Variants in ANK1 observed in about 807,000 individuals in gnomAD.
ANK1 encodes ankyrin 1.
ANK1 carries 51 observed loss-of-function variants against 210.4 expected under a neutral mutation model. That is an observed-to-expected ratio of 0.24 (90% CI 0.19 to 0.31). The LOEUF (loss-of-function observed/expected upper bound fraction) is 0.31, where lower values mean the gene tolerates loss of function less well. ANK1 is among the 10% of genes least tolerant of loss of function. The pLI is 1.00. For missense variants in ANK1, 2,051 were observed against 2,504.4 expected (o/e 0.82, Z 3.86); for synonymous variants, 967 against 1,025.9 (o/e 0.94, Z 1.10).
At position 41,859,477 on chromosome 8, in the gene ANK1, G is replaced by C. The variant is rs183972505; in HGVS notation, c.126+36878C>G. On this transcript the variant is annotated intron_variant, in intron 1 of 42. Coordinates refer to the ANK1 transcript ENST00000265709. ...TTCTCTTGCTTCAGCGTCTTGAGTA[G>C]CTGGGATCACAGGCACACACAACCA... Among the ~76,000 whole-genome samples the C allele has an allele frequency of 2.6e-5, 4 of 152,306 alleles. No homozygotes were observed. In the East Asian group the frequency reaches 7.7e-4, roughly 29 times the overall value.
intron 42 of ANK1, chr8:41,660,292 G>A (rs866840492): frequency 1.3e-4 from 52 of 402,628 alleles, no homozygotes; most frequent in Middle Eastern, 8.8e-4. Context: ...AGGAGGCAGC[G>A]GGCCCTGATT....
At chr8:41,812,968 A>T (rs1472771500) in intron 1 of ANK1, among the ~76,000 whole-genome samples, 1 of 151,920 alleles carries the variant, frequency 6.6e-6, no homozygotes, top group Non-Finnish European at 1.5e-5. Flanking sequence ...ACAGGCTGAA[A>T]CTCTCCCAAG....
chr8:41,743,089 G>A (rs1835196931), intron 2 of ANK1, among the ~76,000 whole-genome samples: 1 of 152,166 alleles, frequency 6.6e-6, no homozygotes, highest in Admixed American at 6.5e-5. Flanking sequence ...CTCTATTATT[G>A]GTCCTTGTTT....
In ANK1 at chr8:41,704,594, A is replaced by T. The variant is rs1824049816; in HGVS notation, c.2098-122T>A. 3.5e-6 allele frequency: 3 copies of T among 852,816 alleles called. No individual in the cohort carries two copies. The highest frequency in any genetic ancestry group is 5.9e-6 in the Non-Finnish European group (3 of 511,968). The allele number at this position is 852,816 out of a possible 1,614,324, so 52.8% of individuals were successfully genotyped here. ...GGGAGCCCCTTGAAGGCTGACATTG[A>T]CAAGCTGAATGGCTGCTGCTGGGCA... is the stretch of plus-strand genomic sequence containing the variant. On this transcript the variant is annotated intron_variant, in intron 18 of 42. Coordinates refer to ENST00000289734, the MANE Select transcript of ANK1 (RefSeq NM_000037.4). This position sits in a 1 kb window ranked among gnomAD's most constrained non-coding sequence, Gnocchi z 4.1.
rs1563496534 is a variant in ANK1 at position 41,704,368 on chromosome 8, CT to C, written c.2196+5del. The C allele has an allele frequency of 2.5e-6, 4 of 1,613,790 alleles. No individual in the cohort carries two copies. Among genetic ancestry groups the C allele is most frequent in the Admixed American group, 3.3e-5 (2 of 60,028 alleles). ...TGCAGGAGTCGGGGCTGGGGCACCC[CT>C]GTACCTTGGTCTTGGCATTGACATC... On this transcript the variant is annotated splice_donor_5th_base_variant and intron_variant, in intron 19 of 42. Transcript: ENST00000289734. The surrounding 1 kb of genome is among the most constrained non-coding windows in gnomAD (Gnocchi z 4.1).
chr8:41,884,832 A>AAAAT (rs1412056931), intron 1 of ANK1, among the ~76,000 whole-genome samples: 2 of 152,108 alleles, frequency 1.3e-5, no homozygotes, highest in African/African-American at 2.4e-5. Flanking sequence ...ACCTTGTCTC[A>AAAAT]AAATAAATAA....
rs73619323 is a variant in ANK1 at position 41,704,849 on chromosome 8, A to T, written c.2098-377T>A. ...AAGAGGAGGGAAACCTTGAGAGACC[A>T]GCATCACAGAATCCCAGGGGAGCTA... On this transcript the variant is annotated intron_variant, in intron 18 of 42. Coordinates refer to ENST00000289734, the MANE Select transcript of ANK1 (RefSeq NM_000037.4). The surrounding 1 kb of genome is among the most constrained non-coding windows in gnomAD (Gnocchi z 4.1). Among the ~76,000 whole-genome samples, 6,607 of 152,242 alleles carry T rather than the reference A, an allele frequency of 0.043. 285 individuals are homozygous for T. The highest frequency in any genetic ancestry group is 0.12 in the African/African-American group (4,836 of 41,518).
At chr8:41,726,067 C>G in intron 5 of ANK1, 121 bp from the exon 6 acceptor site, 1 of 1,106,860 alleles carries the variant, frequency 9.0e-7, no homozygotes, top group Non-Finnish European at 1.3e-6. Flanking sequence ...GGACCTACCT[C>G]CACCAAAGCC....
At chr8:41,851,796 G>A (rs1811300695) in intron 1 of ANK1, among the ~76,000 whole-genome samples, 1 of 152,202 alleles carries the variant, frequency 6.6e-6, no homozygotes, top group Middle Eastern at 3.2e-3. Flanking sequence ...GGTTGAGGCT[G>A]CAGTAAGCCA....
intron 23 of ANK1, 32 bp downstream of exon 23, chr8:41,699,420 C>G: frequency 6.2e-7 from 1 of 1,603,638 alleles, no homozygotes; most frequent in Admixed American, 1.7e-5. Flanking sequence ...CATCTCGGCA[C>G]CCCCGGGGAC....
intron 13 of ANK1, 82 bp downstream of exon 13, chr8:41,716,871 G>A (rs1042378757): frequency 1.0e-5 from 14 of 1,404,482 alleles, no homozygotes; most frequent in East Asian, 9.1e-5. Context: ...CTGCAGCCCC[G>A]CCTGGAATGA....
chr8:41,727,235 T>A lies in ANK1; in HGVS notation c.426+15A>T, dbSNP rs1830944393. On this transcript the variant is annotated intron_variant, in intron 5 of 42. Transcript: ENST00000289734. ...GAGACTTCTGGTGGTGACGACATTTTTCCAAGGTACTTACTTCTGTGGCTA... is the reference window on the plus strand; with the variant it reads ...GAGACTTCTGGTGGTGACGACATTTATCCAAGGTACTTACTTCTGTGGCTA... The A allele has an allele frequency of 6.2e-7, 1 of 1,608,948 alleles. No individual in the cohort carries two copies. The highest frequency in any genetic ancestry group is 1.7e-5 in the Admixed American group (1 of 60,002).
chr8:41,742,551 C>T (rs948537352), intron 2 of ANK1, among the ~76,000 whole-genome samples: 7 of 152,230 alleles, frequency 4.6e-5, no homozygotes, highest in Non-Finnish European at 7.3e-5. Flanking sequence ...CAGTCCCCCA[C>T]TCCCTTTCTT....
In ANK1 at chr8:41,717,632, C is replaced by T. The variant is rs776721065; in HGVS notation, c.1277G>A (p.Arg426Gln). 3.3e-5 allele frequency: 51 copies of T among 1,551,626 alleles called. No individual in the cohort carries two copies. The highest frequency in any genetic ancestry group is 3.2e-4 in the East Asian group (13 of 40,914). ...HLPIVKNLLQ[R>Q]GASPNVSNVK... ...GTTGGAGACGTTGGGCGACGCCCCCCGCTGCAGGAGGTTCTTCACGATGGG... is the reference window on the plus strand; with the variant it reads ...GTTGGAGACGTTGGGCGACGCCCCCTGCTGCAGGAGGTTCTTCACGATGGG... Residue 426 changes from arginine (R) to glutamine (Q), a missense_variant, in exon 12 of 43, where the codon CGG (arginine) becomes CAG (glutamine). Physicochemically the swap from Arg to Gln is conservative, Grantham distance 43. Coordinates refer to ENST00000289734, the MANE Select transcript of ANK1 (RefSeq NM_000037.4).
chr8:41,737,224 G>A (rs1489424169), intron 2 of ANK1, among the ~76,000 whole-genome samples: 1 of 152,152 alleles, frequency 6.6e-6, no homozygotes, highest in African/African-American at 2.4e-5. Context: ...GTTTGAACCT[G>A]GGAGGCCAAG....
chr8:41,828,275 C>G (rs567451899), intron 1 of ANK1: 1 of 154,280 alleles, frequency 6.5e-6, no homozygotes, highest in South Asian at 2.0e-4. Flanking sequence ...TCCGCCCGTG[C>G]TGGGCTGTGG....
exon 1 of ANK1, chr8:41,896,377 C>T (rs749015064): frequency 1.2e-6 from 2 of 1,600,478 alleles, no homozygotes; most frequent in South Asian, 2.2e-5. Flanking sequence ...GTCACGGGAG[C>T]GGTTTCTCCG....
chr8:41,692,383 T>A (rs1308432802), intron 31 of ANK1, among the ~76,000 whole-genome samples: 1 of 152,232 alleles, frequency 6.6e-6, no homozygotes, highest in Non-Finnish European at 1.5e-5. Context: ...TAGTCCCTGG[T>A]GCACAAGACC....
At chr8:41,730,806 G>A (rs1030228804) in intron 3 of ANK1, among the ~76,000 whole-genome samples, 2 of 152,212 alleles carry the variant, frequency 1.3e-5, no homozygotes, top group Non-Finnish European at 2.9e-5. Flanking sequence ...GGCATCCTGG[G>A]TGCATTCATT....
Sources: gnomAD v4.1 joint callset for allele counts (sites outside exome capture counted in the v4.1 genomes callset) on GRCh38, gnomAD v4.1.1 for gene constraint, Gnocchi (gnomAD v3.1) non-coding constraint, MANE v1.5 for transcripts, NCBI Gene and HGNC (gene_info 2026-07-23, HGNC 2026-07-21) for gene names.